ITSN2: variants seen among roughly 807,000 people sequenced by gnomAD.
ITSN2 encodes intersectin-2.
In ITSN2, 156 loss-of-function variants were observed where a neutral mutation model predicts 243.7. The ratio of observed to expected loss-of-function variants is 0.64; its 90% CI spans 0.56 to 0.73. The LOEUF is 0.73. Among genes scored for constraint, ITSN2 ranks in the 30% least tolerant of loss-of-function variants. The pLI is 0.00. For missense variants in ITSN2, 1,801 were observed against 1,996.1 expected (o/e 0.90, Z 1.86); for synonymous variants, 703 against 699.9 (o/e 1.00, Z -0.07).
intron 29 of ITSN2, among the ~76,000 whole-genome samples, chr2:24,231,383 GTA>G (rs1283706319): frequency 2.6e-5 from 4 of 152,236 alleles, no homozygotes; most frequent in Non-Finnish European, 1.5e-5. Context: ...TCAGGAGACA[GTA>G]CAGCAGTGTT....
At position 24,301,229 on chromosome 2, in the gene ITSN2, G is replaced by T; in HGVS notation, c.1006C>A (p.Gln336Lys). Residue 336 changes from glutamine (Q) to lysine (K), a missense_variant, in exon 11 of 40, where the codon CAA (glutamine) becomes AAA (lysine). Gln to Lys is a moderately conservative substitution (Grantham distance 53). Coordinates refer to ENST00000355123, the MANE Select transcript of ITSN2 (RefSeq NM_006277.3). ...LVPPSFRGGK[Q>K]IDSINGTLPS... ...AGAGTTCCATTAATGGAATCAATTT[G>T]CTTTCCTCCTCTAAAAAAATCAAAC... 1 of 1,603,276 alleles carries T rather than the reference G, an allele frequency of 6.2e-7. No individual in the cohort carries two copies. The highest frequency in any genetic ancestry group is 1.1e-5 in the South Asian group (1 of 89,728).
At chr2:24,282,224 C>T (rs955678200) in intron 17 of ITSN2, among the ~76,000 whole-genome samples, 4 of 152,174 alleles carry the variant, frequency 2.6e-5, no homozygotes, top group Non-Finnish European at 5.9e-5. Flanking sequence ...CGGCAGAAGA[C>T]GACACAAGCA....
At chr2:24,261,332 T>C (rs1675828508) in intron 21 of ITSN2, 82 bp from the exon 22 acceptor site, 4 of 1,050,966 alleles carry the variant, frequency 3.8e-6, no homozygotes, top group South Asian at 3.1e-5. Flanking sequence ...ACTTACATAT[T>C]ATATACACTG....
At chr2:24,321,896 CTATTAT>C (rs1216425331) in intron 2 of ITSN2, 2 of 152,114 alleles carry the variant, frequency 1.3e-5, no homozygotes, top group African/African-American at 2.4e-5. Flanking sequence ...AATTAAAGTA[CTATTAT>C]TATTCTCATT....
chr2:24,269,919 C>T (rs1473705929), intron 20 of ITSN2, among the ~76,000 whole-genome samples: 1 of 152,142 alleles, frequency 6.6e-6, no homozygotes, highest in Non-Finnish European at 1.5e-5. Flanking sequence ...GGGCACAGCT[C>T]CGGTACTACT....
At chr2:24,285,303 T>C (rs1679359163) in intron 16 of ITSN2, among the ~76,000 whole-genome samples, 1 of 152,196 alleles carries the variant, frequency 6.6e-6, no homozygotes, top group African/African-American at 2.4e-5. Flanking sequence ...ACTGAACATA[T>C]GCTTGTGTAA....
At chr2:24,317,052 G>C (rs1310016682) in intron 2 of ITSN2, among the ~76,000 whole-genome samples, 1 of 152,238 alleles carries the variant, frequency 6.6e-6, no homozygotes, top group Non-Finnish European at 1.5e-5. Context: ...AGAAGATATA[G>C]ACACTGGCCC....
intron 32 of ITSN2, 111 bp from the exon 33 acceptor site, chr2:24,212,859 C>T: frequency 1.1e-6 from 1 of 895,542 alleles, no homozygotes; most frequent in East Asian, 2.6e-5. Flanking sequence ...TATGTTTCTC[C>T]CTGTCTTACT....
chr2:24,313,801 C>A (rs1683560625), intron 3 of ITSN2, among the ~76,000 whole-genome samples: 1 of 152,152 alleles, frequency 6.6e-6, no homozygotes, highest in South Asian at 2.1e-4. Context: ...CTTAAAAATA[C>A]TTCCACTTAG....
At chr2:24,314,640 G>GA (rs1295284026) in intron 3 of ITSN2, among the ~76,000 whole-genome samples, 1 of 152,058 alleles carries the variant, frequency 6.6e-6, no homozygotes, top group African/African-American at 2.4e-5. Context: ...CTTTGGCACA[G>GA]AAAAAAGTTT....
At chr2:24,222,592 CTT>C (rs978488943) in intron 29 of ITSN2, among the ~76,000 whole-genome samples, 1 of 151,030 alleles carries the variant, frequency 6.6e-6, no homozygotes, top group Non-Finnish European at 1.5e-5. Context: ...CCTTTAAAAA[CTT>C]TTGTCCTCCT....
chr2:24,204,346 AGT>A lies in ITSN2; in HGVS notation c.4833_4834del (p.Leu1612GlnfsTer7), dbSNP rs1215936235. ...GCAGTTAAAATTCCACTTGGGATTG[AGT>A]GTGTCCTGGATGGTCCTGGTGGTGT... is the stretch of plus-strand genomic sequence containing the variant. On this transcript the variant is annotated frameshift_variant, in exon 39 of 40. Coordinates refer to ENST00000355123, the MANE Select transcript of ITSN2 (RefSeq NM_006277.3). LOFTEE classifies it high-confidence loss of function. This position sits in a 1 kb window ranked among gnomAD's most constrained non-coding sequence, Gnocchi z 5.1. 4 of 1,614,014 alleles carry A rather than the reference AGT, an allele frequency of 2.5e-6. No individual in the cohort carries two copies. In the African/African-American group the frequency reaches 4.0e-5, roughly 16 times the overall value.
intron 1 of ITSN2, chr2:24,330,317 C>T (rs940328167): frequency 1.2e-5 from 5 of 418,354 alleles, no homozygotes; most frequent in African/African-American, 8.3e-5. Flanking sequence ...GAAGAAGACG[C>T]GAGAACGAAC....
intron 11 of ITSN2, 101 bp from the exon 12 acceptor site, chr2:24,300,272 T>G (rs1166303822): frequency 8.9e-7 from 1 of 1,129,194 alleles, no homozygotes; most frequent in East Asian, 2.4e-5. Flanking sequence ...TTGAGTGCTA[T>G]CAGTATTTGA....
At chr2:24,217,821 A>G in intron 31 of ITSN2, 86 bp downstream of exon 31, 1 of 782,742 alleles carries the variant, frequency 1.3e-6, no homozygotes, top group Non-Finnish European at 2.1e-6. Flanking sequence ...TTCCTTTGCT[A>G]AGAAGCCCTT....
rs2303293 is a variant in ITSN2, at chr2:24,209,342, C to T, written c.4474-121G>A. ...TGTTGAGAAGGAGAAAGGGGTCTAG[C>T]GTCTAAGGTCTTCTACACAGAACAA... On this transcript the variant is annotated intron_variant, in intron 35 of 39. Coordinates refer to ENST00000355123, the MANE Select transcript of ITSN2 (RefSeq NM_006277.3). The T allele has an allele frequency of 0.9, 999,808 of 1,106,766 alleles. 453,406 individuals carry two copies. Among genetic ancestry groups the T allele is most frequent in the South Asian group, 0.93 (63,002 of 67,978 alleles). The allele number at this position is 1,106,766 out of a possible 1,614,324, so 68.6% of individuals were successfully genotyped here. A position where few individuals can be genotyped will look rare whatever the true frequency, so the allele number is the denominator to read the frequency against.
chr2:24,313,090 TTTTTTTTTTTCTA>T, intron 4 of ITSN2, among the ~76,000 whole-genome samples: 1 of 151,170 alleles, frequency 6.6e-6, no homozygotes, highest in African/African-American at 2.4e-5. Flanking sequence ...ACCTTTTTTT[TTTTTTTTTTTCTA>T]AAGAGAGTCT....
At position 24,299,931 on chromosome 2, in the gene ITSN2, C is replaced by G; in HGVS notation, c.1322G>C (p.Arg441Thr). ...ELERQREEER[R>T]KDIERREAAK... ...AACCTCTCGTCTTTCTATGTCTTTT[C>G]TCCTTTCTTCCTCTCGTTGTCTCTC... is the stretch of plus-strand genomic sequence containing the variant. Residue 441 changes from arginine (R) to threonine (T), a missense_variant, in exon 12 of 40, where the codon AGA becomes ACA. Physicochemically the swap from Arg to Thr is moderately conservative, Grantham distance 71. Around this residue, in one of 5 missense-constraint regions of ITSN2, gnomAD observed 787 missense variants for 803.9 expected, o/e 0.98. Transcript: ENST00000355123. 6.2e-7 allele frequency: 1 copy of G among 1,608,892 alleles called. No individual in the cohort carries two copies. The highest frequency in any genetic ancestry group is 8.5e-7 in the Non-Finnish European group (1 of 1,178,524).
At chr2:24,290,766 GT>G (rs1382509229) in intron 15 of ITSN2, among the ~76,000 whole-genome samples, 1 of 151,894 alleles carries the variant, frequency 6.6e-6, no homozygotes, top group Non-Finnish European at 1.5e-5. Context: ...CTTATCCTAC[GT>G]TGCCATACAT....
Sources: gnomAD v4.1 joint callset for allele counts (sites outside exome capture counted in the v4.1 genomes callset) on GRCh38, gnomAD v4.1.1 for gene constraint, gnomAD v4.1.1 regional missense constraint, Gnocchi (gnomAD v3.1) non-coding constraint, MANE v1.5 for transcripts, NCBI Gene and HGNC (gene_info 2026-07-23, HGNC 2026-07-21) for gene names.